The following ITGB6 variants were observed in gnomAD, a reference collection of about 807,000 sequenced individuals.
ITGB6 encodes integrin subunit beta 6.
ITGB6 carries 80 observed loss-of-function variants against 84.5 expected under a neutral mutation model. The ratio of observed to expected loss-of-function variants is 0.95; its 90% CI spans 0.79 to 1.14. The LOEUF (loss-of-function observed/expected upper bound fraction) is 1.14, where lower values mean the gene tolerates loss of function less well. Ranked by LOEUF, ITGB6 falls within the 50% of genes most tolerant of loss-of-function variation. ITGB6 has a pLI of 0.00. For synonymous variants in ITGB6, 383 were observed against 354.9 expected (o/e 1.08, Z -0.89); for missense variants, 1,006 against 968.0 (o/e 1.04, Z -0.52).
At chr2:160,144,387 G>C (rs1684111401) in intron 7 of ITGB6, among the ~76,000 whole-genome samples, 1 of 152,162 alleles carries the variant, frequency 6.6e-6, no homozygotes, top group Non-Finnish European at 1.5e-5. Context: ...TACAAGGAAG[G>C]CACTGGTTTA....
Position 160,137,736 on chromosome 2 carries a change from T to C in ITGB6, c.1358A>G (p.Asn453Ser). Residue 453 changes from asparagine to serine, a missense_variant, in exon 10 of 15, where the codon AAC becomes AGC. Asn to Ser is a conservative substitution (Grantham distance 46, BLOSUM62 1). Transcript: ENST00000283249. ...ALELLVSPEC[N>S]CDCQKEVEVN... ...TTCCACTTCTTTCTGACAGTCGCAG[T>C]TGCATTCTGGGCTGACAAGTAATTC... The C allele has an allele frequency of 2.5e-6, 4 of 1,614,232 alleles. No individual in the cohort carries two copies. The highest frequency in any genetic ancestry group is 3.4e-6 in the Non-Finnish European group (4 of 1,180,032).
At chr2:160,163,022 T>C (rs181575388) in intron 7 of ITGB6, among the ~76,000 whole-genome samples, 9 of 152,308 alleles carry the variant, frequency 5.9e-5, no homozygotes, top group Non-Finnish European at 8.8e-5. Context: ...CTCACTTTGA[T>C]TGGAACCATA....
intron 11 of ITGB6, among the ~76,000 whole-genome samples, chr2:160,125,723 G>T (rs1683212278): frequency 6.6e-6 from 1 of 152,154 alleles, no homozygotes; most frequent in African/African-American, 2.4e-5. Flanking sequence ...AGCCACTTTG[G>T]AGGCTCGCTT....
At chr2:160,186,891 A>G (rs2105887806) in intron 4 of ITGB6, among the ~76,000 whole-genome samples, 1 of 150,904 alleles carries the variant, frequency 6.6e-6, no homozygotes, top group Non-Finnish European at 1.5e-5. Flanking sequence ...GCATGTTCTC[A>G]CTCGTAAGTG....
intron 4 of ITGB6, among the ~76,000 whole-genome samples, chr2:160,181,109 C>T (rs1367898897): frequency 1.3e-5 from 2 of 152,126 alleles, no homozygotes; most frequent in Non-Finnish European, 2.9e-5. Flanking sequence ...TTTCATACCC[C>T]AGTGGCGCTT....
At chr2:160,179,736 A>G (rs547765611) in intron 4 of ITGB6, among the ~76,000 whole-genome samples, 3 of 151,862 alleles carry the variant, frequency 2.0e-5, no homozygotes, top group African/African-American at 7.2e-5. Flanking sequence ...CAAAACTACA[A>G]TGAACTCACT....
intron 4 of ITGB6, among the ~76,000 whole-genome samples, chr2:160,190,100 A>G (rs1252866295): frequency 4.6e-5 from 7 of 151,880 alleles, no homozygotes; most frequent in African/African-American, 1.7e-4. Context: ...AAACTATCAC[A>G]AGGACAGAAA....
intron 7 of ITGB6, among the ~76,000 whole-genome samples, chr2:160,152,939 GAC>G (rs1684485359): frequency 6.6e-6 from 1 of 151,966 alleles, no homozygotes; most frequent in Admixed American, 6.6e-5. Context: ...AATAAAAGAG[GAC>G]ACAAACAAAT....
Position 160,137,804 on chromosome 2 carries a change from G to A in ITGB6, c.1290C>T (p.Ser430=). 3 of 1,614,142 alleles carry A rather than the reference G, an allele frequency of 1.9e-6. No homozygotes were observed. Among genetic ancestry groups the A allele is most frequent in the Non-Finnish European group, 2.5e-6 (3 of 1,180,022 alleles). The change falls in exon 10 of 15, where the codon AGC becomes AGT. Residue 430 remains serine, a synonymous_variant. Coordinates refer to ENST00000283249, the MANE Select transcript of ITGB6 (RefSeq NM_000888.5). ...TVNIPHCERR[S]RHIIIKPVGL... is the part of the protein sequence containing the mutation. ...CCACAGGCTTTATGATAATGTGCCT[G>A]CTTCTTCTCTCGCAGTGTGGGATAT...
intron 4 of ITGB6, among the ~76,000 whole-genome samples, chr2:160,188,044 C>T (rs1017128029): frequency 1.3e-5 from 2 of 152,074 alleles, no homozygotes; most frequent in Non-Finnish European, 2.9e-5. Context: ...CACAATTACT[C>T]TAGGAGGTCA....
intron 14 of ITGB6, among the ~76,000 whole-genome samples, chr2:160,102,620 C>T (rs1466273131): frequency 2.0e-5 from 3 of 152,150 alleles, no homozygotes; most frequent in Non-Finnish European, 4.4e-5. Context: ...CTCAGCTGTG[C>T]TGTTTGGGTT....
rs1683824637 is a variant in ITGB6 at position 160,137,925 on chromosome 2, C to CTT, written c.1243-75_1243-74insAA. On this transcript the variant is annotated intron_variant, in intron 9 of 14. Coordinates refer to ENST00000283249, the MANE Select transcript of ITGB6 (RefSeq NM_000888.5). ...AGGTGAAACAAGGCTTCACGGAAAT[C>CTT]AGCTTTGCCAAAAGCATTTACTAGA... The CTT allele has an allele frequency of 2.6e-6, 4 of 1,548,306 alleles. No individual in the cohort carries two copies. In the Admixed American group the frequency reaches 5.7e-5, roughly 22 times the overall value.
chr2:160,149,566 T>C (rs1319866861), intron 7 of ITGB6, among the ~76,000 whole-genome samples: 1 of 152,084 alleles, frequency 6.6e-6, no homozygotes, highest in African/African-American at 2.4e-5. Flanking sequence ...GAATTGCAGC[T>C]CCTCACCAGC....
intron 14 of ITGB6, among the ~76,000 whole-genome samples, chr2:160,105,908 T>C (rs1696891215): frequency 1.3e-5 from 2 of 152,294 alleles, no homozygotes; most frequent in Admixed American, 6.5e-5. Context: ...CCTGAGGAAT[T>C]TTGCTTAATT....
intron 12 of ITGB6, among the ~76,000 whole-genome samples, chr2:160,123,003 T>C (rs766905578): frequency 3.3e-5 from 5 of 152,204 alleles, no homozygotes; most frequent in African/African-American, 9.7e-5. Context: ...GAGTTCAGGA[T>C]GATACCAAAT....
At chr2:160,129,159 T>G (rs1397212231) in intron 10 of ITGB6, among the ~76,000 whole-genome samples, 1 of 152,044 alleles carries the variant, frequency 6.6e-6, no homozygotes, top group Non-Finnish European at 1.5e-5. Context: ...ACCTGGACAC[T>G]TTTGCTGTAG....
chr2:160,189,442 G>A (rs540702166), intron 4 of ITGB6, among the ~76,000 whole-genome samples: 3,820 of 152,050 alleles, frequency 0.025, 145 homozygotes, highest in African/African-American at 0.086. Flanking sequence ...GAAAATTTTC[G>A]CAACCTACTC....
chr2:160,156,214 A>G (rs1424667979), intron 7 of ITGB6, among the ~76,000 whole-genome samples: 4 of 152,200 alleles, frequency 2.6e-5, no homozygotes, highest in African/African-American at 9.7e-5. Context: ...GTATTTGACC[A>G]CAAGGAGTCA....
At chr2:160,139,441 T>G (rs967969272) in intron 8 of ITGB6, among the ~76,000 whole-genome samples, 2 of 152,138 alleles carry the variant, frequency 1.3e-5, no homozygotes, top group African/African-American at 4.8e-5. Flanking sequence ...TTGCCAAATG[T>G]ATAGTAAAAT....
Sources: allele counts gnomAD v4.1 joint callset (sites outside exome capture counted in the v4.1 genomes callset), GRCh38; gene constraint gnomAD v4.1.1; transcripts MANE v1.5; gene names NCBI Gene and HGNC (gene_info 2026-07-23, HGNC 2026-07-21).